The following CENPT variants were observed in gnomAD, a reference collection of about 807,000 sequenced individuals.
The protein encoded by CENPT is centromere protein T, also known as interphase centromere complex protein 22.
CENPT carries 42 observed loss-of-function variants against 59.7 expected under a neutral mutation model. The observed-to-expected ratio is 0.70, with a 90% CI of 0.55 to 0.91. CENPT has a LOEUF of 0.91. CENPT is among the 40% of genes least tolerant of loss of function. CENPT has a pLI of 0.00. For synonymous variants in CENPT, 295 were observed against 289.6 expected, an observed-to-expected ratio of 1.02 and a Z score of -0.19; for missense variants, 716 against 713.4, an observed-to-expected ratio of 1.00 and a Z score of -0.04.
In CENPT at chr16:67,832,446, G is replaced by A. The variant is rs1368362083; in HGVS notation, c.201+9C>T. 1 of 1,613,960 alleles carries A rather than the reference G, an allele frequency of 6.2e-7. No individual in the cohort carries two copies. Among genetic ancestry groups the A allele is most frequent in the South Asian group, 1.1e-5 (1 of 91,068 alleles). On this transcript the variant is annotated intron_variant, in intron 5 of 15. Coordinates refer to ENST00000562787, the MANE Select transcript of CENPT (RefSeq NM_025082.4). ...AGGGCCCTTTGGGGTCAGTGGGCTG[G>A]GTACTTACCCTGGCTCCATGGGAAC...
chr16:67,834,256 G>A, intron 3 of CENPT, 156 bp from the exon 4 acceptor site: 1 of 171,936 alleles, frequency 5.8e-6, no homozygotes, highest in East Asian at 1.5e-4. Flanking sequence ...CCTCTCCGAA[G>A]ATGAGGAGAG....
chr16:67,842,298 G>A lies in CENPT; in HGVS notation c.-492+5103C>T, dbSNP rs1268056514. 1 of 166,732 alleles carries A rather than the reference G, an allele frequency of 6.0e-6. No individual in the cohort carries two copies. Among genetic ancestry groups the A allele is most frequent in the Non-Finnish European group, 1.3e-5 (1 of 78,148 alleles). 10.3% of individuals were successfully genotyped at this position (166,732 alleles called of 1,614,324 possible). Reference sequence around the variant, plus strand: ...TGTGGGGGGCGTAGTCTCTTTCTCAGGCGGTCCTTCGCGGCGTCCCCGGGG... The same window carrying A: ...TGTGGGGGGCGTAGTCTCTTTCTCAAGCGGTCCTTCGCGGCGTCCCCGGGG... On this transcript the variant is annotated intron_variant, in intron 1 of 15. Coordinates refer to ENST00000562787, the MANE Select transcript of CENPT (RefSeq NM_025082.4). The surrounding 1 kb of genome is among the most constrained non-coding windows in gnomAD (Gnocchi z 4.9).
chr16:67,832,916 A>G (rs962179902), intron 4 of CENPT, among the ~76,000 whole-genome samples: 1 of 152,172 alleles, frequency 6.6e-6, no homozygotes, highest in Non-Finnish European at 1.5e-5. Flanking sequence ...GATGGATACT[A>G]AAGTATTTTA....
At chr16:67,841,650 C>G (rs1387847284) in intron 1 of CENPT, 2 of 152,278 alleles carry the variant, frequency 1.3e-5, no homozygotes, top group African/African-American at 4.8e-5. Flanking sequence ...TAGTCAGGCT[C>G]CAAGAGAGGA....
chr16:67,830,330 C>T, intron 11 of CENPT, 60 bp downstream of exon 11: 1 of 1,558,178 alleles, frequency 6.4e-7, no homozygotes. Context: ...AGGAAAACTA[C>T]CATTGTCAAC....
Position 67,832,480 on chromosome 16 carries a change from G to A in CENPT, c.176C>T (p.Ala59Val), listed in dbSNP as rs2057702700. Residue 59 changes from alanine (A) to valine (V), a missense_variant, in exon 5 of 16, where the codon GCC becomes GTC. Transcript: ENST00000562787. ...RKLSGQTRTI[A>V]RGRSHGARSV... Reference sequence around the variant, plus strand: ...CCTGGCTCCATGGGAACGCCCTCTGGCTATCGTCCTTGTTTGGCCACTCAA... The same window carrying A: ...CCTGGCTCCATGGGAACGCCCTCTGACTATCGTCCTTGTTTGGCCACTCAA... The A allele has an allele frequency of 6.2e-7, 1 of 1,614,210 alleles. No individual in the cohort carries two copies. Among genetic ancestry groups the A allele is most frequent in the East Asian group, 2.2e-5 (1 of 44,888 alleles).
Position 67,828,288 on chromosome 16 carries a change from G to A in CENPT, c.1665C>T (p.Asn555=). 6.2e-7 allele frequency: 1 copy of A among 1,602,204 alleles called. No homozygotes were observed. Among genetic ancestry groups the A allele is most frequent in the Non-Finnish European group, 8.5e-7 (1 of 1,171,390 alleles). ...QLLIPCAYSG[N]SVFPAQ is the part of the protein sequence containing the mutation. ...GCCACTACTGGGCAGGGAAGACAGAGTTGCCACTGTATGCACAGGGGATGA... is the reference window on the plus strand; with the variant it reads ...GCCACTACTGGGCAGGGAAGACAGAATTGCCACTGTATGCACAGGGGATGA... The change falls in exon 16 of 16, where the codon AAC becomes AAT. Residue 555 remains asparagine (N), a synonymous_variant. Transcript: ENST00000562787.
At chr16:67,847,314 C>T (rs923627032) in intron 1 of CENPT, 87 bp downstream of exon 1, 1 of 152,404 alleles carries the variant, frequency 6.6e-6, no homozygotes, top group East Asian at 1.9e-4. Context: ...GGCCCCGCCC[C>T]GTCTAGCCTG....
intron 10 of CENPT, 140 bp downstream of exon 10, chr16:67,831,076 C>A: frequency 9.3e-7 from 1 of 1,079,212 alleles, no homozygotes. Flanking sequence ...AGCAGAAATT[C>A]CTTGTAGACC....
intron 5 of CENPT, 34 bp downstream of exon 5, chr16:67,832,421 A>G (rs1393113092): frequency 6.2e-7 from 1 of 1,609,388 alleles, no homozygotes; most frequent in East Asian, 2.2e-5. Flanking sequence ...CGAGGCAGCC[A>G]GGGCCCTTTG....
rs2057666029 is a variant in CENPT at position 67,829,857 on chromosome 16, G to A, written c.1094C>T (p.Thr365Ile). The A allele has an allele frequency of 1.2e-6, 2 of 1,614,236 alleles. No individual in the cohort carries two copies. Among genetic ancestry groups the A allele is most frequent in the Non-Finnish European group, 1.7e-6 (2 of 1,180,036 alleles). The change falls in exon 12 of 16, where the codon ACA becomes ATA. Residue 365 changes from threonine (T) to isoleucine (I), a missense_variant. Coordinates refer to ENST00000562787, the MANE Select transcript of CENPT (RefSeq NM_025082.4). The part of the protein sequence containing the change: ...PSRVEEAEGH[T>I]EVTEAEGSQG... ...GGATCCCTCTGCTTCTGTCACCTCT[G>A]TGTGTCCCTCAGCCTCTTCTACCCT...
intron 1 of CENPT, chr16:67,847,069 C>T (rs1416329172): frequency 4.7e-5 from 7 of 149,898 alleles, no homozygotes; most frequent in Non-Finnish European, 3.0e-5. Flanking sequence ...CGCTGAGAGT[C>T]CCCGGGCGGC....
At chr16:67,831,693 T>C in intron 8 of CENPT, 61 bp downstream of exon 8, 1 of 1,602,194 alleles carries the variant, frequency 6.2e-7, no homozygotes, top group Non-Finnish European at 8.5e-7. Context: ...CTCTCAGGAC[T>C]CCTCAGCCTC....
chr16:67,831,843 G>A lies in CENPT; in HGVS notation c.434C>T (p.Pro145Leu), dbSNP rs1482260855. ...PELEPPTTLA[P>L]GLLAPGRRKQ... The stretch of plus-strand genomic sequence containing the variant: ...CCTCCTGCCAGGGGCCAGCAGACCT[G>A]GAGCCAGGGTTGTGGGGGGCTCGAG... The change falls in exon 8 of 16, where the codon CCA (proline) becomes CTA (leucine). Residue 145 changes from proline to leucine, a missense_variant. Pro to Leu is a moderately conservative substitution (Grantham distance 98, BLOSUM62 -3). Coordinates refer to ENST00000562787, the MANE Select transcript of CENPT (RefSeq NM_025082.4). 6.2e-7 allele frequency: 1 copy of A among 1,610,910 alleles called. No homozygotes were observed. The highest frequency in any genetic ancestry group is 1.1e-5 in the South Asian group (1 of 90,674).
At chr16:67,838,577 G>A (rs931112486) in intron 1 of CENPT, among the ~76,000 whole-genome samples, 1 of 150,330 alleles carries the variant, frequency 6.7e-6, no homozygotes, top group Non-Finnish European at 1.5e-5. Flanking sequence ...AGCCGAGATC[G>A]TGCCATTGCA....
At chr16:67,837,540 C>T (rs997536010) in intron 1 of CENPT, among the ~76,000 whole-genome samples, 1 of 152,004 alleles carries the variant, frequency 6.6e-6, no homozygotes, top group African/African-American at 2.4e-5. Flanking sequence ...AACCCTGTCT[C>T]TACTAAAAAT....
intron 11 of CENPT, 114 bp downstream of exon 11, chr16:67,830,276 C>T: frequency 7.4e-7 from 1 of 1,358,542 alleles, no homozygotes; most frequent in Non-Finnish European, 1.0e-6. Flanking sequence ...ATGAAGGAGG[C>T]AGCCACAGCC....
chr16:67,841,541 T>G (rs911472719), intron 1 of CENPT: 1 of 151,584 alleles, frequency 6.6e-6, no homozygotes, highest in African/African-American at 2.4e-5. Context: ...TTCTCTGCTC[T>G]CCTGTTAATT....
intron 4 of CENPT, among the ~76,000 whole-genome samples, chr16:67,833,242 T>A (rs748867322): frequency 2.0e-5 from 3 of 152,242 alleles, no homozygotes; most frequent in Non-Finnish European, 4.4e-5. Context: ...CAGGCTGTCC[T>A]CTAGCTCCTT....
Sources: gnomAD v4.1 joint callset for allele counts (sites outside exome capture counted in the v4.1 genomes callset) on GRCh38, gnomAD v4.1.1 for gene constraint, Gnocchi (gnomAD v3.1) non-coding constraint, MANE v1.5 for transcripts, NCBI Gene and HGNC (gene_info 2026-07-23, HGNC 2026-07-21) for gene names.